YRDC: variants seen among roughly 807,000 people sequenced by gnomAD.
YRDC encodes threonylcarbamoyl-AMP synthase.
YRDC carries 17 observed loss-of-function variants against 21.5 expected under a neutral mutation model. The ratio of observed to expected loss-of-function variants is 0.79; its 90% CI spans 0.54 to 1.19. The LOEUF (loss-of-function observed/expected upper bound fraction) is 1.19, where lower values mean the gene tolerates loss of function less well. Among genes scored for constraint, YRDC ranks in the 50% most tolerant of loss-of-function variants. The pLI is 0.00. For synonymous variants in YRDC, 193 were observed against 176.7 expected (o/e 1.09, Z -0.73); for missense variants, 380 against 397.1 (o/e 0.96, Z 0.37).
rs930949487 is a variant in YRDC, at chr1:37,803,960, A to G, written c.805T>C (p.Tyr269His). ...GACGCATGTGAGGGGAGCAGTCCGT[A>G]CTTCTGTTGGAGGATGGCTGTAGTA... ...ESTTAILQQK[Y>H]GLLPSHASYL The change falls in exon 5 of 5, where the codon TAC (tyrosine) becomes CAC (histidine). Residue 269 changes from tyrosine to histidine, a missense_variant. Tyr to His is a moderately conservative substitution (Grantham distance 83, BLOSUM62 2). Transcript: ENST00000373044. 5 of 1,614,042 alleles carry G rather than the reference A, an allele frequency of 3.1e-6. No individual in the cohort carries two copies. The highest frequency in any genetic ancestry group is 4.2e-6 in the Non-Finnish European group (5 of 1,180,024).
chr1:37,806,803 G>C lies in YRDC; in HGVS notation c.624+54C>G. The stretch of plus-strand genomic sequence containing the variant: ...GTACTATCAATGCCACTGATTCACA[G>C]AAAACAGTATGTGCGCTGGTGACAT... On this transcript the variant is annotated intron_variant, in intron 3 of 4. Transcript: ENST00000373044. 3.1e-6 allele frequency: 5 copies of C among 1,611,662 alleles called. No homozygotes were observed. The Admixed American group carries it at 6.7e-5, about 22-fold the overall frequency.
At chr1:37,807,664 C>T in intron 1 of YRDC, 128 bp downstream of exon 1, 3 of 1,338,952 alleles carry the variant, frequency 2.2e-6, no homozygotes, top group Non-Finnish European at 2.9e-6. Context: ...TACATATTTC[C>T]AGTTCCGGAT....
rs1646715102 is a variant in YRDC at position 37,803,427 on chromosome 1, A to G, written c.*498T>C. 6.5e-6 allele frequency: 1 copy of G among 154,586 alleles called. No individual in the cohort carries two copies. The highest frequency in any genetic ancestry group is 2.4e-5 in the African/African-American group (1 of 41,222). The allele number at this position is 154,586 out of a possible 1,614,324, so 9.6% of individuals were successfully genotyped here. The stretch of plus-strand genomic sequence containing the variant: ...GCTATGTTGCCCAGGCTGATTCTGA[A>G]CTCCTGGGCTCAAGCAGTTCTCCCG... On this transcript the variant is annotated 3_prime_UTR_variant, in exon 5 of 5. Transcript: ENST00000373044.
In YRDC at chr1:37,807,880, C is replaced by G. The variant is rs1248910043; in HGVS notation, c.301G>C (p.Ala101Pro). The part of the protein sequence containing the change: ...YGLACAASCS[A>P]ALRAVYRLKG... ...AGGCGGTACACAGCGCGCAGAGCCG[C>G]CGAGCAGCTCGCCGCGCAGGCCAGG... is the stretch of plus-strand genomic sequence containing the variant. The change falls in exon 1 of 5, where the codon GCG becomes CCG. Residue 101 changes from alanine to proline, a missense_variant. Physicochemically the swap from Ala to Pro is conservative, Grantham distance 27. This residue lies in a region of YRDC where 238 missense variants were observed against 236.5 expected (regional missense o/e 1.01). Transcript: ENST00000373044. 1.2e-5 allele frequency: 18 copies of G among 1,458,878 alleles called. No homozygotes were observed. In the African/African-American group the frequency reaches 1.3e-4, roughly 11 times the overall value. 90.4% of individuals were successfully genotyped at this position (1,458,878 alleles called of 1,614,324 possible).
intron 4 of YRDC, 74 bp from the exon 5 acceptor site, chr1:37,804,071 G>A (rs1646719170): frequency 6.4e-7 from 1 of 1,573,288 alleles, no homozygotes; most frequent in Non-Finnish European, 8.7e-7. Flanking sequence ...GGTGAGCAGG[G>A]ACATCGAAAC....
At chr1:37,805,419 A>G (rs1646728396) in intron 3 of YRDC, among the ~76,000 whole-genome samples, 1 of 152,216 alleles carries the variant, frequency 6.6e-6, no homozygotes, top group Non-Finnish European at 1.5e-5. Flanking sequence ...TAGATTCTGC[A>G]TGCCACCAGC....
In YRDC at chr1:37,804,455, G is replaced by A. The variant is rs1370597259; in HGVS notation, c.625-11C>T. 1.9e-6 allele frequency: 3 copies of A among 1,608,116 alleles called. No homozygotes were observed. The highest frequency in any genetic ancestry group is 2.6e-6 in the Non-Finnish European group (3 of 1,175,716). On this transcript the variant is annotated splice_polypyrimidine_tract_variant and intron_variant, in intron 3 of 4. Coordinates refer to ENST00000373044, the MANE Select transcript of YRDC (RefSeq NM_024640.4). ...GAGATCCTGGAACTCCTGAGAAGAG[G>A]GAGAAGGAAGAGCATGGACACTATC...
In YRDC at chr1:37,803,883, G is replaced by A; in HGVS notation, c.*42C>T. Reference sequence around the variant, plus strand: ...ACAGTCGTCAGTGGACAGACACATAGTATCCAGCACCAGGTCTTGGGCCTT... The same window carrying A: ...ACAGTCGTCAGTGGACAGACACATAATATCCAGCACCAGGTCTTGGGCCTT... On this transcript the variant is annotated 3_prime_UTR_variant, in exon 5 of 5. Transcript: ENST00000373044. 2.5e-6 allele frequency: 4 copies of A among 1,606,262 alleles called. No homozygotes were observed. Among genetic ancestry groups the A allele is most frequent in the Middle Eastern group, 1.8e-4 (1 of 5,428 alleles).
Position 37,806,784 on chromosome 1 carries a change from T to C in YRDC, c.624+73A>G, listed in dbSNP as rs1474125034. ...CATGCCTGGCCATCCCAGTGTACTA[T>C]CAATGCCACTGATTCACAGAAAACA... On this transcript the variant is annotated intron_variant, in intron 3 of 4. Coordinates refer to ENST00000373044, the MANE Select transcript of YRDC (RefSeq NM_024640.4). 11 of 1,605,086 alleles carry C rather than the reference T, an allele frequency of 6.9e-6. No individual in the cohort carries two copies. The South Asian group carries it at 1.2e-4, about 18-fold the overall frequency.
chr1:37,804,975 G>C (rs1194029907), intron 3 of YRDC, among the ~76,000 whole-genome samples: 1 of 152,160 alleles, frequency 6.6e-6, no homozygotes, highest in Non-Finnish European at 1.5e-5. Context: ...TCAAAAACTA[G>C]GTAAAAAGAC....
chr1:37,805,118 T>C (rs1297133900), intron 3 of YRDC, among the ~76,000 whole-genome samples: 1 of 152,100 alleles, frequency 6.6e-6, no homozygotes, highest in East Asian at 1.9e-4. Context: ...TAGCCGGGCA[T>C]GGTGGCACAC....
At position 37,807,781 on chromosome 1, in the gene YRDC, G is replaced by A; in HGVS notation, c.389+11C>T. 6.7e-7 allele frequency: 1 copy of A among 1,496,578 alleles called. No individual in the cohort carries two copies. The highest frequency in any genetic ancestry group is 8.9e-7 in the Non-Finnish European group (1 of 1,127,130). The allele number at this position is 1,496,578 out of a possible 1,614,324, so 92.7% of individuals were successfully genotyped here. On this transcript the variant is annotated intron_variant, in intron 1 of 4. Transcript: ENST00000373044. ...GCCGCCCCTAGCGGGGCCGGGTCGG[G>A]GCGGCCTTACCTGTAGACGTCGGCC... is the stretch of plus-strand genomic sequence containing the variant.
intron 3 of YRDC, 65 bp from the exon 4 acceptor site, chr1:37,804,509 A>G: frequency 6.5e-7 from 1 of 1,548,524 alleles, no homozygotes; most frequent in Non-Finnish European, 8.8e-7. Context: ...GTCAAACTGC[A>G]CGCAGTCATC....
In YRDC at chr1:37,803,820, G is replaced by C; in HGVS notation, c.*105C>G. 1 of 1,274,036 alleles carries C rather than the reference G, an allele frequency of 7.8e-7. No homozygotes were observed. The highest frequency in any genetic ancestry group is 1.1e-6 in the Non-Finnish European group (1 of 896,554). 78.9% of individuals were successfully genotyped at this position (1,274,036 alleles called of 1,614,324 possible). On this transcript the variant is annotated 3_prime_UTR_variant, in exon 5 of 5. Coordinates refer to ENST00000373044, the MANE Select transcript of YRDC (RefSeq NM_024640.4). ...ACACACTGCCTTAAAAGTCAGGCTA[G>C]TGCCCTAGCTCCGGTGGCCTCTGCA...
chr1:37,804,470 T>C (rs747392759), intron 3 of YRDC, 26 bp from the exon 4 acceptor site: 8 of 1,603,120 alleles, frequency 5.0e-6, no homozygotes, highest in African/African-American at 2.7e-5. Flanking sequence ...AGGAAGAGCA[T>C]GGACACTATC....
chr1:37,804,084 G>GCTAGC (rs1321790395), intron 4 of YRDC, 87 bp from the exon 5 acceptor site: 257 of 1,545,530 alleles, frequency 1.7e-4, no homozygotes, highest in South Asian at 2.5e-4. Context: ...ATCGAAACTG[G>GCTAGC]CTAGCCTTGT....
intron 3 of YRDC, among the ~76,000 whole-genome samples, chr1:37,806,127 A>G (rs1404262201): frequency 6.6e-6 from 1 of 152,178 alleles, no homozygotes; most frequent in East Asian, 1.9e-4. Context: ...AAACTGGTTA[A>G]AAATCTGAGT....
At chr1:37,807,394 G>T in intron 1 of YRDC, 179 bp from the exon 2 acceptor site, 1 of 649,348 alleles carries the variant, frequency 1.5e-6, no homozygotes. Flanking sequence ...CGCACCCCTG[G>T]CTTGACGCCC....
chr1:37,806,852 C>T lies in YRDC; in HGVS notation c.624+5G>A. 5 of 1,614,098 alleles carry T rather than the reference C, an allele frequency of 3.1e-6. No individual in the cohort carries two copies. Among genetic ancestry groups the T allele is most frequent in the South Asian group, 1.1e-5 (1 of 91,082 alleles). On this transcript the variant is annotated splice_donor_5th_base_variant and intron_variant, in intron 3 of 4. Transcript: ENST00000373044. ...ATTTCCAGGGGAAGGACTGGGTAAA[C>T]TCACCTCGACATTCAGAGAACTGGC...
Sources: allele counts gnomAD v4.1 joint callset (sites outside exome capture counted in the v4.1 genomes callset), GRCh38; gene constraint gnomAD v4.1.1; regional missense constraint gnomAD v4.1.1; transcripts MANE v1.5; gene names NCBI Gene and HGNC (gene_info 2026-07-23, HGNC 2026-07-21).